ULK4: variants seen among roughly 807,000 people sequenced by gnomAD.
ULK4 encodes the protein unc-51 like kinase 4.
Under a neutral mutation model 160.6 loss-of-function variants are expected in ULK4, and 133 were observed. The observed-to-expected ratio is 0.83, with a 90% CI of 0.72 to 0.96. The LOEUF is 0.96. ULK4 is among the 40% of genes least tolerant of loss of function. The pLI, the probability that ULK4 is intolerant of heterozygous loss-of-function variation, is 0.00. For missense variants in ULK4, 1,580 were observed against 1,499.5 expected, an observed-to-expected ratio of 1.05 and a Z score of -0.89; for synonymous variants, 534 against 539.8, an observed-to-expected ratio of 0.99 and a Z score of 0.15.
At chr3:41,460,847 G>GT (rs2083666716) in intron 33 of ULK4, among the ~76,000 whole-genome samples, 1 of 152,114 alleles carries the variant, frequency 6.6e-6, no homozygotes, top group Non-Finnish European at 1.5e-5. Flanking sequence ...ACCCCGCAGA[G>GT]TGGTGACCAC....
chr3:41,954,429 G>T (rs542930366), intron 2 of ULK4, among the ~76,000 whole-genome samples, 193 bp downstream of exon 2: 1 of 151,966 alleles, frequency 6.6e-6, no homozygotes, highest in South Asian at 2.1e-4. Flanking sequence ...AGAAAATTAA[G>T]TTAGTCATTA....
intron 29 of ULK4, among the ~76,000 whole-genome samples, chr3:41,669,503 C>T (rs1187600210): frequency 1.3e-5 from 2 of 152,172 alleles, no homozygotes; most frequent in African/African-American, 4.8e-5. Context: ...AGGGATCCTC[C>T]CGCCTTGGCC....
chr3:41,881,101 A>C (rs7640157), intron 17 of ULK4, among the ~76,000 whole-genome samples: 141,152 of 152,012 alleles, frequency 0.93, 66,369 homozygotes, highest in East Asian at 1. Context: ...TTTACAGAAA[A>C]CTGGTCTCAA....
intron 30 of ULK4, among the ~76,000 whole-genome samples, chr3:41,629,166 C>T (rs971070132): frequency 6.6e-6 from 1 of 152,112 alleles, no homozygotes. Flanking sequence ...TCATGAATTT[C>T]GGCAGGACAC....
At chr3:41,584,252 A>C (rs1423812613) in intron 31 of ULK4, among the ~76,000 whole-genome samples, 1 of 152,202 alleles carries the variant, frequency 6.6e-6, no homozygotes, top group Non-Finnish European at 1.5e-5. Flanking sequence ...AAATTAATGA[A>C]GCAATTCTGA....
intron 32 of ULK4, among the ~76,000 whole-genome samples, chr3:41,470,028 A>C (rs2083940125): frequency 1.4e-5 from 2 of 142,820 alleles, no homozygotes; most frequent in Non-Finnish European, 1.5e-5. Flanking sequence ...GAAAAAAAAA[A>C]AAAAAAAAAA....
In ULK4 at chr3:41,715,533, G is replaced by A. The variant is rs555915240; in HGVS notation, c.2491C>T (p.Arg831Cys). 23 of 1,613,902 alleles carry A rather than the reference G, an allele frequency of 1.4e-5. No individual in the cohort carries two copies. The highest frequency in any genetic ancestry group is 6.6e-5 in the South Asian group (6 of 91,084). ...ACTTGAACTGTTGATGGGTGTTTAC[G>A]TCCAGAAACATTAGCCAAGGAGTTA... ...ILNSLANVSG[R>C]KHPSTVQVKQ... The change falls in exon 24 of 37, where the codon CGT (arginine) becomes TGT (cysteine). Residue 831 changes from arginine (R) to cysteine (C), a missense_variant. Coordinates refer to ENST00000301831, the MANE Select transcript of ULK4 (RefSeq NM_017886.4).
chr3:41,818,334 C>A (rs545902874), intron 19 of ULK4, among the ~76,000 whole-genome samples: 1 of 152,186 alleles, frequency 6.6e-6, no homozygotes, highest in East Asian at 1.9e-4. Context: ...ATATTTTGTT[C>A]TTTTGCATTT....
chr3:41,375,797 A>G (rs2081476602), intron 35 of ULK4, among the ~76,000 whole-genome samples: 1 of 150,358 alleles, frequency 6.7e-6, no homozygotes, highest in African/African-American at 2.5e-5. Flanking sequence ...AATTAAACTA[A>G]AGAGCTTCTG....
chr3:41,616,538 G>A (rs2032973947), intron 30 of ULK4, among the ~76,000 whole-genome samples: 1 of 152,118 alleles, frequency 6.6e-6, no homozygotes. Flanking sequence ...GAAGTGCAAG[G>A]GGCTGGGGAC....
intron 30 of ULK4, among the ~76,000 whole-genome samples, chr3:41,640,677 G>A (rs1181688390): frequency 1.3e-5 from 2 of 152,108 alleles, no homozygotes; most frequent in Admixed American, 6.6e-5. Flanking sequence ...ATGGCCAAAG[G>A]CATAGTGTAC....
chr3:41,949,010 T>C (rs1700197662), intron 2 of ULK4, among the ~76,000 whole-genome samples: 2 of 152,102 alleles, frequency 1.3e-5, no homozygotes, highest in Admixed American at 6.6e-5. Context: ...TGATTTTATA[T>C]GTAGAAAACC....
intron 19 of ULK4, among the ~76,000 whole-genome samples, chr3:41,816,624 G>T (rs1204513506): frequency 1.3e-5 from 2 of 152,088 alleles, no homozygotes; most frequent in Non-Finnish European, 2.9e-5. Flanking sequence ...AGACTAGCCT[G>T]GGCGACATGG....
At chr3:41,616,735 C>G (rs1304701878) in intron 30 of ULK4, among the ~76,000 whole-genome samples, 5 of 152,178 alleles carry the variant, frequency 3.3e-5, no homozygotes, top group South Asian at 2.1e-4. Context: ...GCAGTAGCGG[C>G]AGGAGTGTTT....
At chr3:41,387,353 T>C (rs2081840953) in intron 35 of ULK4, among the ~76,000 whole-genome samples, 1 of 152,190 alleles carries the variant, frequency 6.6e-6, no homozygotes, top group South Asian at 2.1e-4. Flanking sequence ...TATTTAGCTG[T>C]AATTTTGTAT....
At chr3:41,868,002 T>A (rs1575855460) in intron 17 of ULK4, among the ~76,000 whole-genome samples, 1 of 152,234 alleles carries the variant, frequency 6.6e-6, no homozygotes. Context: ...ATAATTTCAA[T>A]ACTTTGTTAT....
At chr3:41,773,200 A>G (rs1461536212) in intron 21 of ULK4, among the ~76,000 whole-genome samples, 1 of 152,184 alleles carries the variant, frequency 6.6e-6, no homozygotes, top group Non-Finnish European at 1.5e-5. Context: ...TATTCAACAT[A>G]GTGTTGGAAG....
chr3:41,924,660 T>C (rs1699315482), intron 5 of ULK4, among the ~76,000 whole-genome samples: 1 of 152,232 alleles, frequency 6.6e-6, no homozygotes, highest in Non-Finnish European at 1.5e-5. Flanking sequence ...CAAAGAATAC[T>C]GATAATTCTA....
chr3:41,943,746 C>G (rs74441979), intron 2 of ULK4, among the ~76,000 whole-genome samples: 1,830 of 152,266 alleles, frequency 0.012, 36 homozygotes, highest in African/African-American at 0.042. Context: ...CTTACCTCAA[C>G]TATCCATGCT....
Sources: gnomAD v4.1 joint callset for allele counts (sites outside exome capture counted in the v4.1 genomes callset) on GRCh38, gnomAD v4.1.1 for gene constraint, MANE v1.5 for transcripts, NCBI Gene and HGNC (gene_info 2026-07-23, HGNC 2026-07-21) for gene names.